CAB39: variants seen among roughly 807,000 people sequenced by gnomAD.
CAB39 encodes the protein calcium-binding protein 39.
CAB39 carries 8 observed loss-of-function variants against 40.0 expected under a neutral mutation model. That is an observed-to-expected ratio of 0.20 (90% CI 0.12 to 0.36). The LOEUF is 0.36. Among genes scored for constraint, CAB39 ranks in the 10% least tolerant of loss-of-function variants. CAB39 has a pLI of 1.00. For missense variants in CAB39, 270 were observed against 401.1 expected, an observed-to-expected ratio of 0.67 and a Z score of 2.79; for synonymous variants, 156 against 141.6, an observed-to-expected ratio of 1.10 and a Z score of -0.72.
At chr2:230,788,412 G>A (rs911938792) in intron 2 of CAB39, among the ~76,000 whole-genome samples, 7 of 151,820 alleles carry the variant, frequency 4.6e-5, no homozygotes, top group African/African-American at 1.7e-4. Flanking sequence ...CGTATTTTTT[G>A]TTCTACATAT....
intron 1 of CAB39, chr2:230,713,881 G>C (rs1694300232): frequency 6.6e-6 from 1 of 152,336 alleles, no homozygotes; most frequent in South Asian, 2.1e-4. Context: ...AAATAACTGC[G>C]ATACCGGGAA....
At chr2:230,808,051 TTTTTCTTTTCTTTTC>T (rs139203634) in intron 5 of CAB39, among the ~76,000 whole-genome samples, 4 of 147,914 alleles carry the variant, frequency 2.7e-5, no homozygotes, top group Non-Finnish European at 4.4e-5. Flanking sequence ...CCAGGCACTT[TTTTTCTTTTCTTTTC>T]TTTTCTTTTC....
At chr2:230,725,457 C>T in intron 1 of CAB39, 1 of 1,429,478 alleles carries the variant, frequency 7.0e-7, no homozygotes, top group Non-Finnish European at 9.8e-7. Context: ...CTCCCGCCAC[C>T]CGGCCACTCC....
chr2:230,818,060 G>A, intron 8 of CAB39, 163 bp downstream of exon 8: 1 of 638,320 alleles, frequency 1.6e-6, no homozygotes, highest in Non-Finnish European at 2.6e-6. Context: ...CAGAAAGGTA[G>A]ACCTGGAAAC....
chr2:230,795,169 G>A (rs898296931), intron 4 of CAB39, among the ~76,000 whole-genome samples: 2 of 151,900 alleles, frequency 1.3e-5, no homozygotes, highest in Non-Finnish European at 2.9e-5. Flanking sequence ...CCAGCTATTC[G>A]GGAGGCTGAG....
Position 230,760,537 on chromosome 2 carries a change from A to G in CAB39, c.114+422A>G, listed in dbSNP as rs537147369. The stretch of plus-strand genomic sequence containing the variant: ...TGGTTGGTTTGTTTGTAAAAGTTTT[A>G]GAGCAAGAACAAAAGGAAGTAAAGT... On this transcript the variant is annotated intron_variant, in intron 2 of 8. Coordinates refer to ENST00000258418, the MANE Select transcript of CAB39 (RefSeq NM_016289.4). Among the ~76,000 whole-genome samples the G allele has an allele frequency of 2.0e-3, 298 of 152,318 alleles. 1 individual carries two copies. Among genetic ancestry groups the G allele is most frequent in the African/African-American group, 6.6e-3 (274 of 41,566 alleles).
chr2:230,752,189 G>C (rs1048727406), intron 1 of CAB39: 5 of 150,562 alleles, frequency 3.3e-5, no homozygotes, highest in African/African-American at 1.2e-4. Flanking sequence ...ATACAGAGAA[G>C]ATAAGCATGG....
At chr2:230,724,414 G>A (rs191212678) in intron 1 of CAB39, among the ~76,000 whole-genome samples, 2 of 152,188 alleles carry the variant, frequency 1.3e-5, no homozygotes, top group Non-Finnish European at 2.9e-5. Context: ...GGGCACGGTG[G>A]CTCGCCCCTG....
At chr2:230,717,299 A>G (rs970692469) in intron 1 of CAB39, among the ~76,000 whole-genome samples, 1 of 152,222 alleles carries the variant, frequency 6.6e-6, no homozygotes, top group Non-Finnish European at 1.5e-5. Flanking sequence ...CTAAATTTGC[A>G]TAGCAATTTA....
At chr2:230,813,843 G>C (rs1472915437) in intron 6 of CAB39, 3 of 460,540 alleles carry the variant, frequency 6.5e-6, no homozygotes, top group Non-Finnish European at 1.1e-5. Flanking sequence ...GGGATTGGTG[G>C]GATCACCTGA....
At chr2:230,736,975 T>C (rs1694798462) in intron 1 of CAB39, among the ~76,000 whole-genome samples, 2 of 152,104 alleles carry the variant, frequency 1.3e-5, no homozygotes, top group African/African-American at 4.8e-5. Flanking sequence ...TGCTCTGGCT[T>C]TAACAGTTGG....
intron 2 of CAB39, among the ~76,000 whole-genome samples, chr2:230,777,786 T>C (rs1375082593): frequency 6.6e-6 from 1 of 152,222 alleles, no homozygotes. Flanking sequence ...GTGGGATAAC[T>C]TTTACTTCTA....
intron 8 of CAB39, chr2:230,818,241 C>A: frequency 2.2e-6 from 1 of 444,684 alleles, no homozygotes; most frequent in Middle Eastern, 5.7e-4. Context: ...AATTTCTGCC[C>A]ATTTTATTCT....
intron 2 of CAB39, among the ~76,000 whole-genome samples, chr2:230,779,870 AAAG>A (rs952555524): frequency 6.6e-6 from 1 of 152,214 alleles, no homozygotes; most frequent in Non-Finnish European, 1.5e-5. Flanking sequence ...TTAAGAGTGG[AAAG>A]AAGGAGTGTG....
chr2:230,739,755 A>G (rs962445855), intron 1 of CAB39, among the ~76,000 whole-genome samples: 4 of 152,178 alleles, frequency 2.6e-5, no homozygotes, highest in Non-Finnish European at 4.4e-5. Context: ...CGGCCTCCCA[A>G]AGTGCTGGGA....
chr2:230,781,506 T>G (rs1326069517), intron 2 of CAB39, among the ~76,000 whole-genome samples: 1 of 152,194 alleles, frequency 6.6e-6, no homozygotes, highest in Admixed American at 6.5e-5. Flanking sequence ...CATTTAAGAT[T>G]ATGTAGGGGA....
intron 4 of CAB39, 132 bp downstream of exon 4, chr2:230,793,463 C>T: frequency 2.3e-6 from 1 of 443,624 alleles, no homozygotes. Context: ...AGATTTTGAA[C>T]ACATTTCCCT....
intron 2 of CAB39, among the ~76,000 whole-genome samples, chr2:230,781,873 T>C (rs1272749716): frequency 1.3e-5 from 2 of 152,198 alleles, no homozygotes; most frequent in Non-Finnish European, 1.5e-5. Flanking sequence ...GTTTTGTTTT[T>C]TTCCTTCTTG....
At chr2:230,770,830 G>A (rs1444358127) in intron 2 of CAB39, among the ~76,000 whole-genome samples, 3 of 152,086 alleles carry the variant, frequency 2.0e-5, no homozygotes, top group Non-Finnish European at 4.4e-5. Context: ...AAAAAAACCA[G>A]CATCTATTCC....
Sources: gnomAD v4.1 joint callset for allele counts (sites outside exome capture counted in the v4.1 genomes callset) on GRCh38, gnomAD v4.1.1 for gene constraint, MANE v1.5 for transcripts, NCBI Gene and HGNC (gene_info 2026-07-23, HGNC 2026-07-21) for gene names.